ATRNL1: variants seen among roughly 807,000 people sequenced by gnomAD.
ATRNL1 encodes attractin-like protein 1.
A neutral mutation model predicts 182.7 loss-of-function variants in ATRNL1; 95 were observed. The ratio of observed to expected loss-of-function variants is 0.52; its 90% CI spans 0.44 to 0.62. The LOEUF (loss-of-function observed/expected upper bound fraction) is 0.62, where lower values mean the gene tolerates loss of function less well. ATRNL1 is among the 20% of genes least tolerant of loss of function. The probability of loss-of-function intolerance (pLI) is 0.00; values close to 1 mark genes in which losing one functional copy is unlikely to be tolerated. For missense variants in ATRNL1, 1,471 were observed against 1,679.5 expected (o/e 0.88, Z 2.17); for synonymous variants, 576 against 568.3 (o/e 1.01, Z -0.19).
chr10:115,159,386 A>G (rs1846671548), intron 5 of ATRNL1, among the ~76,000 whole-genome samples: 2 of 151,720 alleles, frequency 1.3e-5, no homozygotes, highest in Non-Finnish European at 3.0e-5. Context: ...TATGGAAAGG[A>G]AAAGGCTGTG....
chr10:115,327,946 G>A (rs1415552837), intron 18 of ATRNL1, among the ~76,000 whole-genome samples: 3 of 151,570 alleles, frequency 2.0e-5, no homozygotes, highest in East Asian at 3.9e-4. Flanking sequence ...GGGGTGGGGG[G>A]AAGTGGGGAG....
chr10:115,861,637 AC>A lies in ATRNL1; in HGVS notation c.4018+13648del, dbSNP rs1555103487. The stretch of plus-strand genomic sequence containing the variant: ...CTGTTGTCTCAGCCCCATCCTTGTG[AC>A]CTATTTGTCTCAAGTCTTAGTAGTC... On this transcript the variant is annotated intron_variant, in intron 28 of 28. Coordinates refer to ENST00000355044, the MANE Select transcript of ATRNL1 (RefSeq NM_207303.4). 2.0e-5 allele frequency among the ~76,000 whole-genome samples: 3 copies of A among 152,146 alleles called. No individual in the cohort carries two copies. The East Asian group carries it at 5.8e-4, about 29-fold the overall frequency.
intron 27 of ATRNL1, among the ~76,000 whole-genome samples, chr10:115,818,632 A>G (rs1385220174): frequency 6.6e-6 from 1 of 152,086 alleles, no homozygotes; most frequent in African/African-American, 2.4e-5. Flanking sequence ...CATCTCTAAT[A>G]TTTGAAAAGC....
chr10:115,490,597 T>C (rs142591441), intron 24 of ATRNL1, among the ~76,000 whole-genome samples: 4,831 of 152,238 alleles, frequency 0.032, 248 homozygotes, highest in African/African-American at 0.11. Flanking sequence ...TTTCTCTAAA[T>C]TGGTTATTCT....
intron 23 of ATRNL1, among the ~76,000 whole-genome samples, chr10:115,468,220 A>C (rs1848145630): frequency 6.6e-6 from 1 of 150,818 alleles, no homozygotes; most frequent in South Asian, 2.1e-4. Context: ...TTAATTTGAT[A>C]GTTATTTCTG....
chr10:115,378,746 A>G (rs1857816587), intron 19 of ATRNL1, among the ~76,000 whole-genome samples: 1 of 152,220 alleles, frequency 6.6e-6, no homozygotes, highest in African/African-American at 2.4e-5. Context: ...AGAATTTTAA[A>G]TTATAGGGTA....
chr10:115,199,145 T>C (rs1295764838), intron 8 of ATRNL1, among the ~76,000 whole-genome samples: 2 of 152,312 alleles, frequency 1.3e-5, no homozygotes, highest in East Asian at 3.9e-4. Context: ...ATGTGGGATC[T>C]TTCCATTTAT....
intron 6 of ATRNL1, among the ~76,000 whole-genome samples, chr10:115,161,182 A>T (rs1554883182): frequency 6.6e-6 from 1 of 151,950 alleles, no homozygotes; most frequent in African/African-American, 2.4e-5. Flanking sequence ...TAACCCTCAT[A>T]ATTAGGAAGA....
intron 28 of ATRNL1, among the ~76,000 whole-genome samples, chr10:115,902,018 G>C (rs1306316178): frequency 6.6e-6 from 1 of 152,078 alleles, no homozygotes; most frequent in Non-Finnish European, 1.5e-5. Context: ...TTTCACATTT[G>C]CACGCTGAGA....
intron 27 of ATRNL1, among the ~76,000 whole-genome samples, chr10:115,732,875 A>G (rs1947841024): frequency 6.6e-6 from 1 of 152,200 alleles, no homozygotes; most frequent in African/African-American, 2.4e-5. Flanking sequence ...TCAAATAGTC[A>G]TAGATAATTG....
chr10:115,806,058 A>G (rs955748541), intron 27 of ATRNL1, among the ~76,000 whole-genome samples: 6 of 152,158 alleles, frequency 3.9e-5, no homozygotes, highest in African/African-American at 1.4e-4. Context: ...ATTGTGGGTA[A>G]TAACCTGTAG....
At chr10:115,186,510 T>C (rs1480718423) in intron 8 of ATRNL1, among the ~76,000 whole-genome samples, 1 of 152,076 alleles carries the variant, frequency 6.6e-6, no homozygotes, top group Non-Finnish European at 1.5e-5. Flanking sequence ...ATATATACAA[T>C]GGAGTACCAT....
intron 19 of ATRNL1, among the ~76,000 whole-genome samples, chr10:115,376,871 A>T (rs1857702889): frequency 6.6e-6 from 1 of 152,124 alleles, no homozygotes; most frequent in Non-Finnish European, 1.5e-5. Flanking sequence ...TGATGGTGTC[A>T]CATAGATTCC....
At position 115,765,170 on chromosome 10, in the gene ATRNL1, G is replaced by T. The variant is rs954591687; in HGVS notation, c.3903+37815G>T. Among the ~76,000 whole-genome samples the T allele has an allele frequency of 2.0e-5, 3 of 152,152 alleles. 1 individual carries two copies. The highest frequency in any genetic ancestry group is 4.4e-5 in the Non-Finnish European group (3 of 68,024). On this transcript the variant is annotated intron_variant, in intron 27 of 28. Coordinates refer to ENST00000355044, the MANE Select transcript of ATRNL1 (RefSeq NM_207303.4). ...ATTTTTGTATGGATATAAGTTTTCA[G>T]CTCCTTTGGGTAGGTATCAGGGAGC...
At chr10:115,263,969 A>G (rs1851499139) in intron 10 of ATRNL1, among the ~76,000 whole-genome samples, 1 of 151,760 alleles carries the variant, frequency 6.6e-6, no homozygotes. Flanking sequence ...TACCATGTGG[A>G]CTAAAAAGAC....
intron 28 of ATRNL1, among the ~76,000 whole-genome samples, chr10:115,884,047 C>A (rs1280351179): frequency 6.6e-6 from 1 of 152,178 alleles, no homozygotes; most frequent in Non-Finnish European, 1.5e-5. Flanking sequence ...GGCAACAATG[C>A]TAGAGCTGAG....
At chr10:115,422,358 C>T (rs1462053737) in intron 20 of ATRNL1, among the ~76,000 whole-genome samples, 1 of 152,008 alleles carries the variant, frequency 6.6e-6, no homozygotes, top group African/African-American at 2.4e-5. Flanking sequence ...AACGAACAAC[C>T]GCATTAAAAA....
At chr10:115,692,321 G>A (rs1823504300) in intron 26 of ATRNL1, among the ~76,000 whole-genome samples, 1 of 152,108 alleles carries the variant, frequency 6.6e-6, no homozygotes, top group Non-Finnish European at 1.5e-5. Flanking sequence ...TACTAGACTT[G>A]TAAAGCAGGA....
chr10:115,299,952 T>C, intron 15 of ATRNL1, 82 bp from the exon 16 acceptor site: 1 of 950,218 alleles, frequency 1.1e-6, no homozygotes, highest in Non-Finnish European at 1.6e-6. Flanking sequence ...TAATTTTTAA[T>C]GATAGTGAAC....
Sources: gnomAD v4.1 joint callset for allele counts (sites outside exome capture counted in the v4.1 genomes callset) on GRCh38, gnomAD v4.1.1 for gene constraint, MANE v1.5 for transcripts, NCBI Gene and HGNC (gene_info 2026-07-23, HGNC 2026-07-21) for gene names.